The following STRA8 variants were observed in gnomAD, a reference collection of about 807,000 sequenced individuals.
STRA8 encodes stimulated by retinoic acid gene 8 protein homolog.
In STRA8, 18 loss-of-function variants were observed where a neutral mutation model predicts 37.1. That is an observed-to-expected ratio of 0.48 (90% CI 0.34 to 0.72). STRA8 has a LOEUF of 0.72. Ranked by LOEUF, STRA8 falls within the 30% of genes least tolerant of loss-of-function variation. The pLI, the probability that STRA8 is intolerant of heterozygous loss-of-function variation, is 0.01. For missense variants in STRA8, 357 were observed against 410.4 expected (o/e 0.87, Z 1.13); for synonymous variants, 168 against 162.9 (o/e 1.03, Z -0.24).
rs764153334 is a variant in STRA8 at position 135,240,763 on chromosome 7, G to A, written c.192+47G>A. 2.0e-5 allele frequency: 32 copies of A among 1,602,408 alleles called. No homozygotes were observed. The Admixed American group carries it at 3.9e-4, about 19-fold the overall frequency. On this transcript the variant is annotated intron_variant, in intron 2 of 8. Transcript: ENST00000662584. ...GAGGGGACATCTCCACGGGGAAGGA[G>A]ACGTTTTCACAGGTGGAGGGACTGT...
chr7:135,232,142 C>T, upstream of STRA8: 1 of 1,099,128 alleles, frequency 9.1e-7, no homozygotes, highest in Non-Finnish European at 1.4e-6. Context: ...GGGGTGACTA[C>T]ATGAAAGGTT....
intron 7 of STRA8, among the ~76,000 whole-genome samples, chr7:135,252,611 G>A (rs572683108): frequency 7.2e-5 from 11 of 152,236 alleles, no homozygotes; most frequent in Admixed American, 2.6e-4. Flanking sequence ...CCATCCTGGC[G>A]CAGGGCTGGG....
intron 2 of STRA8, among the ~76,000 whole-genome samples, chr7:135,242,290 A>G (rs1270299619): frequency 1.3e-5 from 2 of 152,110 alleles, no homozygotes; most frequent in Admixed American, 6.5e-5. Flanking sequence ...TCAGGTTGAC[A>G]GCATTTGATA....
chr7:135,235,098 C>T (rs1385861214), intron 1 of STRA8, among the ~76,000 whole-genome samples: 1 of 152,164 alleles, frequency 6.6e-6, no homozygotes, highest in East Asian at 1.9e-4. Context: ...TCTCAAACTC[C>T]TGAGCTCAAG....
intron 1 of STRA8, among the ~76,000 whole-genome samples, chr7:135,238,696 T>C (rs1388639560): frequency 1.3e-5 from 2 of 152,072 alleles, no homozygotes; most frequent in Admixed American, 6.5e-5. Flanking sequence ...TTTAAACAAG[T>C]AAAAACAAAA....
At chr7:135,235,934 C>A (rs1236775696) in intron 1 of STRA8, among the ~76,000 whole-genome samples, 1 of 151,890 alleles carries the variant, frequency 6.6e-6, no homozygotes, top group Non-Finnish European at 1.5e-5. Context: ...CATAGTGAGA[C>A]CCTGTCTCTA....
At chr7:135,255,285 C>T (rs1030037617) in intron 8 of STRA8, 60 bp downstream of exon 8, 5 of 1,318,210 alleles carry the variant, frequency 3.8e-6, no homozygotes, top group South Asian at 3.6e-5. Context: ...GCAAAAAGGG[C>T]TCTTAAGGGC....
Position 135,246,537 on chromosome 7 carries a change from G to A in STRA8, c.714G>A (p.Ser238=), listed in dbSNP as rs146605807. 1.5e-4 allele frequency: 233 copies of A among 1,573,830 alleles called. No homozygotes were observed. Among genetic ancestry groups the A allele is most frequent in the Non-Finnish European group, 1.9e-4 (220 of 1,159,756 alleles). The change falls in exon 6 of 9, where the codon TCG becomes TCA. Residue 238 remains serine, a synonymous_variant. Transcript: ENST00000662584. The surrounding 1 kb of genome is among the most constrained non-coding windows in gnomAD (Gnocchi z 5.4). ...AAISHLWQNL[S]EERKASLRQA... ...TCTCCCACCTGTGGCAGAACCTCTC[G>A]GAGGAGAGGAAGGCCAGCCTCCGGC...
rs756707348 is a variant in STRA8, at chr7:135,255,070, A to G, written c.954-44A>G. The G allele has an allele frequency of 5.5e-6, 8 of 1,445,610 alleles. No individual in the cohort carries two copies. The South Asian group carries it at 9.1e-5, about 17-fold the overall frequency. The allele number at this position is 1,445,610 out of a possible 1,614,324, so 89.5% of individuals were successfully genotyped here. A position where few individuals can be genotyped will look rare whatever the true frequency, so the allele number is the denominator to read the frequency against. ...GAGGGGGAAGCAGAGTTGAAAGATC[A>G]GGATCCTGAATATTTGTTGCCTTTT... On this transcript the variant is annotated intron_variant, in intron 7 of 8. Transcript: ENST00000662584.
chr7:135,246,721 G>A lies in STRA8; in HGVS notation c.879+19G>A, dbSNP rs1270208802. On this transcript the variant is annotated intron_variant, in intron 6 of 8. Transcript: ENST00000662584. The surrounding 1 kb of genome is among the most constrained non-coding windows in gnomAD (Gnocchi z 5.4). ...CGAGGAGGTGAGCAGGCCCACCGGG[G>A]TGGCGTGGATGGGGCACGGGAACCA... 1 of 1,504,870 alleles carries A rather than the reference G, an allele frequency of 6.6e-7. No individual in the cohort carries two copies. The highest frequency in any genetic ancestry group is 2.4e-5 in the Admixed American group (1 of 42,124). The allele number at this position is 1,504,870 out of a possible 1,614,324, so 93.2% of individuals were successfully genotyped here. A position where few individuals can be genotyped will look rare whatever the true frequency, so the allele number is the denominator to read the frequency against.
intron 8 of STRA8, among the ~76,000 whole-genome samples, chr7:135,257,815 A>G (rs553053083): frequency 7.6e-6 from 1 of 131,282 alleles, no homozygotes; most frequent in East Asian, 1.9e-4. Context: ...AAGATATACA[A>G]TGGACACTTA....
At chr7:135,255,864 A>G (rs995351773) in intron 8 of STRA8, among the ~76,000 whole-genome samples, 2 of 152,248 alleles carry the variant, frequency 1.3e-5, no homozygotes, top group South Asian at 4.1e-4. Context: ...CTCAGCAGGC[A>G]TTCATAAATG....
At chr7:135,232,048 C>T, upstream of STRA8, 1 of 1,594,416 alleles carries the variant, frequency 6.3e-7, no homozygotes, top group African/African-American at 1.3e-5. Flanking sequence ...GGTAAATAAG[C>T]TTCTTAGTAA....
At chr7:135,232,119 T>TGGG, upstream of STRA8, 1 of 723,274 alleles carries the variant, frequency 1.4e-6, no homozygotes, top group Non-Finnish European at 2.4e-6. Context: ...TGGCAGTGGT[T>TGGG]GGGGCGGGAG....
Position 135,246,441 on chromosome 7 carries a change from G to A in STRA8, c.618G>A (p.Thr206=), listed in dbSNP as rs1182626536. ...GGTATCTCAACTTTTACAAACAGAC[G>A]ATGGACCTTCTGACTGGCAGCGGGA... is the stretch of plus-strand genomic sequence containing the variant. ...FERYLNFYKQ[T]MDLLTGSGII... The change falls in exon 6 of 9, where the codon ACG becomes ACA. Residue 206 remains threonine (T), a synonymous_variant. Coordinates refer to ENST00000662584, the MANE Select transcript of STRA8 (RefSeq NM_001394401.1). The surrounding 1 kb of genome is among the most constrained non-coding windows in gnomAD (Gnocchi z 5.4). The A allele has an allele frequency of 3.7e-6, 6 of 1,603,214 alleles. No individual in the cohort carries two copies. Among genetic ancestry groups the A allele is most frequent in the African/African-American group, 1.3e-5 (1 of 74,758 alleles).
chr7:135,251,730 C>A, intron 6 of STRA8, 66 bp from the exon 7 acceptor site: 1 of 1,521,806 alleles, frequency 6.6e-7, no homozygotes, highest in Non-Finnish European at 9.1e-7. Flanking sequence ...CTCTCCCCAG[C>A]AGCCCAGGGC....
chr7:135,255,778 G>T (rs1272073751), intron 8 of STRA8, among the ~76,000 whole-genome samples: 1 of 152,206 alleles, frequency 6.6e-6, no homozygotes, highest in Non-Finnish European at 1.5e-5. Flanking sequence ...TGCCATAAAG[G>T]TTGGGAACCA....
rs777117713 is a variant in STRA8, at chr7:135,242,779, A to G, written c.193-2A>G. The G allele has an allele frequency of 7.4e-6, 12 of 1,613,978 alleles. No individual in the cohort carries two copies. The highest frequency in any genetic ancestry group is 9.3e-6 in the Non-Finnish European group (11 of 1,179,934). ...TTCAGCATTGTCTCTGTCTATCCTC[A>G]GTGGCAGGTTCTGAATAAGGCAAAG... On this transcript the variant is annotated splice_acceptor_variant, in intron 2 of 8. Coordinates refer to ENST00000662584, the MANE Select transcript of STRA8 (RefSeq NM_001394401.1). LOFTEE classifies it high-confidence loss of function.
In STRA8 at chr7:135,246,557, T is replaced by C; in HGVS notation, c.734T>C (p.Leu245Pro). Residue 245 changes from leucine (L) to proline (P), a missense_variant, in exon 6 of 9, where the codon CTC becomes CCC. Coordinates refer to ENST00000662584, the MANE Select transcript of STRA8 (RefSeq NM_001394401.1). The surrounding 1 kb of genome is among the most constrained non-coding windows in gnomAD (Gnocchi z 5.4). ...CTCTCGGAGGAGAGGAAGGCCAGCC[T>C]CCGGCAGGCCTGGGCGCAGAAGCAC... The part of the protein sequence containing the change: ...QNLSEERKAS[L>P]RQAWAQKHRG... The C allele has an allele frequency of 6.4e-7, 1 of 1,565,190 alleles. No homozygotes were observed. Among genetic ancestry groups the C allele is most frequent in the Non-Finnish European group, 8.7e-7 (1 of 1,155,628 alleles).
Sources: gnomAD v4.1 joint callset for allele counts (sites outside exome capture counted in the v4.1 genomes callset) on GRCh38, gnomAD v4.1.1 for gene constraint, Gnocchi (gnomAD v3.1) non-coding constraint, MANE v1.5 for transcripts, NCBI Gene and HGNC (gene_info 2026-07-23, HGNC 2026-07-21) for gene names.